The following CACNA2D4 variants were observed in gnomAD, a reference collection of about 807,000 sequenced individuals.
CACNA2D4 encodes the protein voltage-dependent calcium channel subunit alpha-2/delta-4.
In CACNA2D4, 157 loss-of-function variants were observed where a neutral mutation model predicts 163.8. That is an observed-to-expected ratio of 0.96 (90% CI 0.84 to 1.09). CACNA2D4 has a LOEUF of 1.09. Among genes scored for constraint, CACNA2D4 ranks in the 50% least tolerant of loss-of-function variants. The pLI, the probability that CACNA2D4 is intolerant of heterozygous loss-of-function variation, is 0.00. For missense variants in CACNA2D4, 1,410 were observed against 1,479.9 expected (o/e 0.95, Z 0.78); for synonymous variants, 598 against 586.9 (o/e 1.02, Z -0.27).
At chr12:1,832,270 C>T (rs1488266741) in intron 26 of CACNA2D4, among the ~76,000 whole-genome samples, 2 of 152,198 alleles carry the variant, frequency 1.3e-5, no homozygotes, top group African/African-American at 2.4e-5. Flanking sequence ...AGCTGGTTAC[C>T]CTTTCGCTGT....
chr12:1,900,525 A>T (rs556755955), intron 6 of CACNA2D4, among the ~76,000 whole-genome samples: 1 of 152,314 alleles, frequency 6.6e-6, no homozygotes, highest in East Asian at 1.9e-4. Context: ...AATTGGTGTG[A>T]GTATTTTGGA....
chr12:1,795,211 T>C (rs1354966555), intron 37 of CACNA2D4, 88 bp downstream of exon 37: 2 of 1,209,848 alleles, frequency 1.7e-6, no homozygotes, highest in Non-Finnish European at 2.4e-6. Flanking sequence ...GGCATCCCTA[T>C]ATGCTCCTGT....
rs149738531 is a variant in CACNA2D4 at position 1,842,201 on chromosome 12, G to A, written c.2471-1382C>T. 3.3e-3 allele frequency among the ~76,000 whole-genome samples: 506 copies of A among 152,318 alleles called. 2 individuals carry two copies. The highest frequency in any genetic ancestry group is 6.8e-3 in the Middle Eastern group (2 of 294). On this transcript the variant is annotated intron_variant, in intron 25 of 37. Transcript: ENST00000382722. ...CCAGCACCTGGTGGGAATGATCAGGGCGTGGAGTGCAGAAGGGGGCGGGGC... is the reference window on the plus strand; with the variant it reads ...CCAGCACCTGGTGGGAATGATCAGGACGTGGAGTGCAGAAGGGGGCGGGGC...
chr12:1,831,098 C>T (rs769371993), intron 26 of CACNA2D4: 1 of 1,614,024 alleles, frequency 6.2e-7, no homozygotes, highest in South Asian at 1.1e-5. Flanking sequence ...TGCTCTTGAA[C>T]AATAAGCTGA....
In CACNA2D4 at chr12:1,799,842, G is replaced by A. The variant is rs1863249712; in HGVS notation, c.2975-147C>T. On this transcript the variant is annotated intron_variant, in intron 33 of 37. Coordinates refer to ENST00000382722, the MANE Select transcript of CACNA2D4 (RefSeq NM_172364.5). The surrounding 1 kb of genome is among the most constrained non-coding windows in gnomAD (Gnocchi z 4.7). Reference sequence around the variant, plus strand: ...GTCACACACAGAGCCAGGAGTGAGGGATGTGATGAGAGAAGGCCACGCAGG... The same window carrying A: ...GTCACACACAGAGCCAGGAGTGAGGAATGTGATGAGAGAAGGCCACGCAGG... 1.6e-6 allele frequency: 2 copies of A among 1,277,818 alleles called. No homozygotes were observed. Among genetic ancestry groups the A allele is most frequent in the African/African-American group, 2.9e-5 (2 of 67,834 alleles). The allele number at this position is 1,277,818 out of a possible 1,614,324, so 79.2% of individuals were successfully genotyped here. A position where few individuals can be genotyped will look rare whatever the true frequency, so the allele number is the denominator to read the frequency against.
At chr12:1,905,597 TATG>T in intron 6 of CACNA2D4, among the ~76,000 whole-genome samples, 1 of 151,460 alleles carries the variant, frequency 6.6e-6, no homozygotes, top group East Asian at 1.9e-4. Context: ...AAATCCTATT[TATG>T]ATAACATCAA....
intron 29 of CACNA2D4, among the ~76,000 whole-genome samples, chr12:1,807,271 A>G (rs949777052): frequency 3.3e-5 from 5 of 151,608 alleles, no homozygotes; most frequent in Non-Finnish European, 5.9e-5. Context: ...GAGGACCTCA[A>G]TGCTGCCAAC....
intron 29 of CACNA2D4, chr12:1,809,586 T>C (rs1457870701): frequency 2.9e-6 from 2 of 701,482 alleles, no homozygotes; most frequent in South Asian, 3.0e-5. Context: ...ATAATCCATT[T>C]TGAGGCCCCT....
chr12:1,917,886 C>A lies in CACNA2D4; in HGVS notation c.227+361G>T. The A allele has an allele frequency of 4.3e-6, 1 of 234,636 alleles. No homozygotes were observed. The highest frequency in any genetic ancestry group is 8.2e-6 in the Non-Finnish European group (1 of 121,394). 14.5% of individuals were successfully genotyped at this position (234,636 alleles called of 1,614,324 possible). On this transcript the variant is annotated intron_variant, in intron 1 of 37. Coordinates refer to ENST00000382722, the MANE Select transcript of CACNA2D4 (RefSeq NM_172364.5). This position sits in a 1 kb window ranked among gnomAD's most constrained non-coding sequence, Gnocchi z 4.3. Reference sequence around the variant, plus strand: ...GAGCTGCGATGCTGAGATAACCCGGCTCCTCCAGGCTGCCTCATCTCAGCG... The same window carrying A: ...GAGCTGCGATGCTGAGATAACCCGGATCCTCCAGGCTGCCTCATCTCAGCG...
At chr12:1,838,673 C>A (rs1212336118) in intron 26 of CACNA2D4, among the ~76,000 whole-genome samples, 4 of 152,222 alleles carry the variant, frequency 2.6e-5, no homozygotes, top group Non-Finnish European at 4.4e-5. Flanking sequence ...GGCTCTAATT[C>A]AGCTCTGAGT....
rs1865842325 is a variant in CACNA2D4, at chr12:1,874,383, C to T, written c.1878+221G>A. Among the ~76,000 whole-genome samples, 1 of 152,204 alleles carries T rather than the reference C, an allele frequency of 6.6e-6. No homozygotes were observed. The highest frequency in any genetic ancestry group is 6.5e-5 in the Admixed American group (1 of 15,282). On this transcript the variant is annotated intron_variant, in intron 18 of 37. Coordinates refer to ENST00000382722, the MANE Select transcript of CACNA2D4 (RefSeq NM_172364.5). This position sits in a 1 kb window ranked among gnomAD's most constrained non-coding sequence, Gnocchi z 4.4. ...CTTTCTCCCCAGCTCAGCGGTCTCC[C>T]AAAAGCCAAGCATTGCATGAGCAAT...
chr12:1,816,325 T>C (rs954425893), intron 26 of CACNA2D4, among the ~76,000 whole-genome samples: 11 of 152,214 alleles, frequency 7.2e-5, no homozygotes, highest in African/African-American at 2.7e-4. Flanking sequence ...CTGGGAGTTA[T>C]CAGGAAAGCT....
intron 6 of CACNA2D4, among the ~76,000 whole-genome samples, chr12:1,893,051 C>T (rs1009522258): frequency 3.9e-5 from 6 of 152,216 alleles, no homozygotes; most frequent in South Asian, 4.1e-4. Context: ...ATAGTTGGAA[C>T]GTAAACACCC....
intron 19 of CACNA2D4, 91 bp from the exon 20 acceptor site, chr12:1,858,735 G>T: frequency 1.0e-6 from 1 of 968,138 alleles, no homozygotes; most frequent in Non-Finnish European, 1.5e-6. Flanking sequence ...AACACTAGGT[G>T]TATGGGCTTT....
At chr12:1,868,049 A>G (rs1865692180) in intron 18 of CACNA2D4, among the ~76,000 whole-genome samples, 1 of 152,186 alleles carries the variant, frequency 6.6e-6, no homozygotes, top group Non-Finnish European at 1.5e-5. Flanking sequence ...TGTGGAAAAC[A>G]ATATGGAGGA....
intron 1 of CACNA2D4, among the ~76,000 whole-genome samples, chr12:1,916,349 TG>T (rs5795984): frequency 0.015 from 2,242 of 152,316 alleles, 76 homozygotes; most frequent in East Asian, 0.12. Context: ...TGTTTTACCT[TG>T]AAAGACACAA....
At chr12:1,804,814 G>C (rs906801170) in intron 29 of CACNA2D4, among the ~76,000 whole-genome samples, 8 of 152,258 alleles carry the variant, frequency 5.3e-5, no homozygotes, top group African/African-American at 1.9e-4. Context: ...GGATCGTGCG[G>C]ATGGGGACAG....
intron 16 of CACNA2D4, among the ~76,000 whole-genome samples, chr12:1,876,668 CTG>C (rs1269308133): frequency 6.6e-6 from 1 of 152,088 alleles, no homozygotes; most frequent in Middle Eastern, 3.2e-3. Context: ...TTCAGGGGAT[CTG>C]TAGGATCCCC....
chr12:1,876,289 A>G, intron 16 of CACNA2D4, among the ~76,000 whole-genome samples: 1 of 152,238 alleles, frequency 6.6e-6, no homozygotes, highest in East Asian at 1.9e-4. Context: ...GACGGAGACA[A>G]GGACAGATCA....
Sources: allele counts gnomAD v4.1 joint callset (sites outside exome capture counted in the v4.1 genomes callset), GRCh38; gene constraint gnomAD v4.1.1; non-coding constraint Gnocchi (gnomAD v3.1); transcripts MANE v1.5; gene names NCBI Gene and HGNC (gene_info 2026-07-23, HGNC 2026-07-21).